The following WDR27 variants were observed in gnomAD, a reference collection of about 807,000 sequenced individuals.
The protein encoded by WDR27 is WD repeat domain 27.
A neutral mutation model predicts 114.4 loss-of-function variants in WDR27; 100 were observed. The ratio of observed to expected loss-of-function variants is 0.87; its 90% confidence interval spans 0.74 to 1.03. WDR27 has a LOEUF of 1.03. Ranked by LOEUF, WDR27 falls within the 50% of genes least tolerant of loss-of-function variation. The pLI is 0.00. For missense variants in WDR27, 1,129 were observed against 1,092.9 expected (o/e 1.03, Z -0.47); for synonymous variants, 449 against 423.1 (o/e 1.06, Z -0.75).
chr6:169,653,744 A>G (rs1471567842), intron 13 of WDR27, among the ~76,000 whole-genome samples: 1 of 152,254 alleles, frequency 6.6e-6, no homozygotes, highest in Non-Finnish European at 1.5e-5. Context: ...AAATGAGGAC[A>G]AGATATTGAA....
chr6:169,482,487 G>A (rs1170110864), intron 25 of WDR27, among the ~76,000 whole-genome samples: 1 of 152,094 alleles, frequency 6.6e-6, no homozygotes, highest in African/African-American at 2.4e-5. Context: ...ATCTCATTAT[G>A]GCTTTGATTT....
Position 169,636,869 on chromosome 6 carries a change from A to G in WDR27, c.1870-365T>C, listed in dbSNP as rs75546162. ...AATTTAGACCTCACAACCAAACGTT[A>G]TGACACAGAGCAAGCTGACGGCATC... On this transcript the variant is annotated intron_variant, in intron 18 of 25. Transcript: ENST00000448612. Among the ~76,000 whole-genome samples the G allele has an allele frequency of 8.2e-3, 1,243 of 152,342 alleles. 12 individuals carry two copies. The highest frequency in any genetic ancestry group is 0.028 in the African/African-American group (1,176 of 41,568).
At chr6:169,691,700 T>C (rs1218432473) in intron 1 of WDR27, among the ~76,000 whole-genome samples, 6 of 152,280 alleles carry the variant, frequency 3.9e-5, no homozygotes, top group Admixed American at 3.9e-4. Context: ...TCCTATAGAA[T>C]TCAGCAGCAT....
chr6:169,560,153 C>G (rs562971913), intron 25 of WDR27, among the ~76,000 whole-genome samples: 7 of 152,282 alleles, frequency 4.6e-5, no homozygotes, highest in African/African-American at 1.7e-4. Context: ...GTAACTGAAT[C>G]ACGGGAGCCT....
At chr6:169,475,139 T>A (rs1362246818) in intron 25 of WDR27, among the ~76,000 whole-genome samples, 2 of 152,386 alleles carry the variant, frequency 1.3e-5, no homozygotes, top group South Asian at 4.1e-4. Context: ...TGTCACATTT[T>A]ATGCTTTTCA....
At chr6:169,600,074 G>T (rs1342516712) in intron 23 of WDR27, among the ~76,000 whole-genome samples, 1 of 152,168 alleles carries the variant, frequency 6.6e-6, no homozygotes, top group East Asian at 1.9e-4. Flanking sequence ...GAGCGGTTTT[G>T]AGTGCGTTTC....
chr6:169,573,528 G>C (rs1801782204), intron 24 of WDR27, among the ~76,000 whole-genome samples: 1 of 152,190 alleles, frequency 6.6e-6, no homozygotes, highest in Non-Finnish European at 1.5e-5. Context: ...TGTAGGACTT[G>C]AGTGTGTGAG....
chr6:169,594,335 CA>C (rs1306435287), intron 23 of WDR27, among the ~76,000 whole-genome samples: 1 of 152,122 alleles, frequency 6.6e-6, no homozygotes, highest in African/African-American at 2.4e-5. Flanking sequence ...TCTCTGGATT[CA>C]TTTATGGTCA....
intron 25 of WDR27, among the ~76,000 whole-genome samples, chr6:169,479,844 C>T (rs1268296808): frequency 6.6e-6 from 1 of 152,174 alleles, no homozygotes; most frequent in East Asian, 1.9e-4. Context: ...AGTTATTTTT[C>T]CTGATTCTCT....
At chr6:169,641,049 T>C (rs1819018393) in intron 17 of WDR27, among the ~76,000 whole-genome samples, 1 of 152,208 alleles carries the variant, frequency 6.6e-6, no homozygotes, top group South Asian at 2.1e-4. Flanking sequence ...GCACGTCCAG[T>C]GGCCACTAAG....
intron 25 of WDR27, among the ~76,000 whole-genome samples, chr6:169,469,820 T>C (rs1205575105): frequency 1.3e-5 from 2 of 152,240 alleles, no homozygotes; most frequent in Admixed American, 1.3e-4. Context: ...ATCCCATCTC[T>C]ATTCCCAGCA....
intron 25 of WDR27, among the ~76,000 whole-genome samples, chr6:169,481,483 T>C (rs1036938634): frequency 2.0e-5 from 3 of 152,206 alleles, no homozygotes; most frequent in African/African-American, 2.4e-5. Context: ...CCTTGTTCTT[T>C]CACTCTTCGC....
chr6:169,667,128 A>T lies in WDR27; in HGVS notation c.712+8T>A. 6.6e-7 allele frequency: 1 copy of T among 1,516,072 alleles called. No homozygotes were observed. The highest frequency in any genetic ancestry group is 8.8e-7 in the Non-Finnish European group (1 of 1,134,580). 93.9% of individuals were successfully genotyped at this position (1,516,072 alleles called of 1,614,324 possible). On this transcript the variant is annotated splice_region_variant and intron_variant, in intron 6 of 25. Transcript: ENST00000448612. ...TATTTACAGAAAACATGAAAGTTTT[A>T]AATTTACCTGATAACACAGATGAAC...
intron 25 of WDR27, among the ~76,000 whole-genome samples, chr6:169,542,041 T>C (rs1286441744): frequency 1.3e-5 from 2 of 152,172 alleles, no homozygotes; most frequent in African/African-American, 4.8e-5. Flanking sequence ...TTTTAGACAT[T>C]TGCAGAAATC....
At chr6:169,630,541 T>C (rs534124397) in intron 21 of WDR27, among the ~76,000 whole-genome samples, 1 of 152,358 alleles carries the variant, frequency 6.6e-6, no homozygotes, top group African/African-American at 2.4e-5. Flanking sequence ...CATCCAAATA[T>C]TAGCTATCAA....
At chr6:169,451,334 A>T in the WDR27 span, among the ~76,000 whole-genome samples, 19 of 152,330 alleles carry the variant, frequency 1.2e-4, no homozygotes, top group East Asian at 3.7e-3. Flanking sequence ...TGTACATCAT[A>T]CATATAATGA....
intron 25 of WDR27, among the ~76,000 whole-genome samples, chr6:169,542,430 A>G (rs182813821): frequency 1.3e-5 from 2 of 152,278 alleles, no homozygotes; most frequent in African/African-American, 4.8e-5. Context: ...AAGTCAAATG[A>G]GGAAATTTTA....
At chr6:169,632,249 G>A (rs1816611375) in intron 21 of WDR27, among the ~76,000 whole-genome samples, 1 of 150,768 alleles carries the variant, frequency 6.6e-6, no homozygotes, top group Non-Finnish European at 1.5e-5. Flanking sequence ...AACAAAGTCT[G>A]TTTAACCAAC....
At chr6:169,660,243 C>G (rs1035575241) in intron 10 of WDR27, among the ~76,000 whole-genome samples, 1 of 151,906 alleles carries the variant, frequency 6.6e-6, no homozygotes, top group Non-Finnish European at 1.5e-5. Flanking sequence ...CTGGAGCTGG[C>G]AGAAACTGGG....
Sources: allele counts gnomAD v4.1 joint callset (sites outside exome capture counted in the v4.1 genomes callset), GRCh38; gene constraint gnomAD v4.1.1; transcripts MANE v1.5; gene names NCBI Gene and HGNC (gene_info 2026-07-23, HGNC 2026-07-21).